Variants in NTNG1 observed in about 807,000 individuals in gnomAD.
NTNG1 encodes netrin-G1.
NTNG1 carries 16 observed loss-of-function variants against 54.0 expected under a neutral mutation model. The observed-to-expected ratio is 0.30, with a 90% CI of 0.20 to 0.45. The LOEUF (loss-of-function observed/expected upper bound fraction) is 0.45. NTNG1 is among the 20% of genes least tolerant of loss of function. NTNG1 has a pLI of 1.00. For synonymous variants in NTNG1, 255 were observed against 263.1 expected (o/e 0.97, Z 0.30); for missense variants, 530 against 678.7 (o/e 0.78, Z 2.43).
chr1:107,214,838 GGTGGTATCACATT>G (rs1195549637), intron 2 of NTNG1, among the ~76,000 whole-genome samples: 1 of 151,008 alleles, frequency 6.6e-6, no homozygotes, highest in East Asian at 1.9e-4. Flanking sequence ...GCAGGAGTGA[GGTGGTATCACATT>G]GTGGTTTGAT....
Position 107,441,968 on chromosome 1 carries a change from A to G in NTNG1, c.1390+5169A>G, listed in dbSNP as rs551912726. On this transcript the variant is annotated intron_variant, in intron 7 of 7. Coordinates refer to ENST00000370068, the MANE Select transcript of NTNG1 (RefSeq NM_001113226.3). Reference sequence around the variant, plus strand: ...AAATATGTTTCAATCAAGACCACAGACTGTATAAGAAAGGTATTGTGAGAG... The same window carrying G: ...AAATATGTTTCAATCAAGACCACAGGCTGTATAAGAAAGGTATTGTGAGAG... Among the ~76,000 whole-genome samples, 12 of 152,236 alleles carry G rather than the reference A, an allele frequency of 7.9e-5. No homozygotes were observed. In the South Asian group the frequency reaches 2.5e-3, roughly 32 times the overall value.
At chr1:107,403,616 A>T in intron 4 of NTNG1, 1 of 155,214 alleles carries the variant, frequency 6.4e-6, no homozygotes. Flanking sequence ...AGGCTGAGGC[A>T]GGAGAATCGC....
intron 5 of NTNG1, among the ~76,000 whole-genome samples, chr1:107,413,055 A>C (rs954549855): frequency 6.6e-6 from 1 of 152,092 alleles, no homozygotes; most frequent in Admixed American, 6.6e-5. Context: ...AGATGGTAAG[A>C]TTACCTCCAA....
chr1:107,299,845 T>C (rs2101799153), intron 2 of NTNG1, among the ~76,000 whole-genome samples: 1 of 151,744 alleles, frequency 6.6e-6, no homozygotes, highest in East Asian at 2.0e-4. Context: ...TCTTGTTCTA[T>C]GTATACACAC....
chr1:107,409,887 G>T (rs1007552784), intron 5 of NTNG1: 1 of 152,108 alleles, frequency 6.6e-6, no homozygotes, highest in East Asian at 1.9e-4. Context: ...GCATTCGAAA[G>T]TTCCTTCTTT....
chr1:107,309,992 G>T (rs78470383), intron 2 of NTNG1, among the ~76,000 whole-genome samples: 1,817 of 152,100 alleles, frequency 0.012, 32 homozygotes, highest in African/African-American at 0.042. Flanking sequence ...GGTAAACCTA[G>T]GATAATACCC....
intron 7 of NTNG1, among the ~76,000 whole-genome samples, chr1:107,444,429 A>G (rs916482610): frequency 2.0e-5 from 3 of 152,114 alleles, no homozygotes; most frequent in African/African-American, 7.2e-5. Flanking sequence ...GTAGCATCAT[A>G]TCCTAAATAC....
intron 2 of NTNG1, among the ~76,000 whole-genome samples, chr1:107,219,258 GA>G (rs1212957343): frequency 2.6e-5 from 4 of 151,898 alleles, no homozygotes; most frequent in African/African-American, 9.7e-5. Flanking sequence ...TTTATTTCCA[GA>G]AGTTGTGATT....
intron 2 of NTNG1, among the ~76,000 whole-genome samples, chr1:107,289,259 C>A (rs560452678): frequency 6.6e-6 from 1 of 152,136 alleles, no homozygotes; most frequent in African/African-American, 2.4e-5. Flanking sequence ...TCATCGGGAA[C>A]CTTGTGCTAT....
chr1:107,252,982 T>C (rs1468861970), intron 2 of NTNG1, among the ~76,000 whole-genome samples: 1 of 152,214 alleles, frequency 6.6e-6, no homozygotes, highest in East Asian at 1.9e-4. Context: ...AGATATATCT[T>C]AGTGTATTCT....
chr1:107,263,292 C>G (rs1663483354), intron 2 of NTNG1, among the ~76,000 whole-genome samples: 1 of 127,580 alleles, frequency 7.8e-6, no homozygotes, highest in Non-Finnish European at 1.9e-5. Context: ...TTCCTTCCTT[C>G]CTTCCTTCCT....
At chr1:107,301,567 G>T (rs61799220) in intron 2 of NTNG1, among the ~76,000 whole-genome samples, 10 of 151,874 alleles carry the variant, frequency 6.6e-5, no homozygotes, top group African/African-American at 2.2e-4. Context: ...CTGCAGTAAT[G>T]TATGTCATAC....
chr1:107,313,808 T>G (rs560271720), intron 2 of NTNG1, among the ~76,000 whole-genome samples: 14 of 152,332 alleles, frequency 9.2e-5, no homozygotes, highest in African/African-American at 3.4e-4. Context: ...TTACTGCAAC[T>G]GGACTTTCAC....
At chr1:107,212,114 A>G (rs1252203510) in intron 2 of NTNG1, among the ~76,000 whole-genome samples, 1 of 152,152 alleles carries the variant, frequency 6.6e-6, no homozygotes, top group Admixed American at 6.6e-5. Flanking sequence ...AAAGCATTAT[A>G]TGAGAACTAG....
chr1:107,295,455 T>A (rs1303078727), intron 2 of NTNG1, among the ~76,000 whole-genome samples: 1 of 152,160 alleles, frequency 6.6e-6, no homozygotes, highest in African/African-American at 2.4e-5. Flanking sequence ...AAGCTGCATT[T>A]CATGGCTTAT....
chr1:107,401,220 C>T (rs556629830), intron 4 of NTNG1, among the ~76,000 whole-genome samples: 2 of 152,184 alleles, frequency 1.3e-5, no homozygotes, highest in East Asian at 1.9e-4. Flanking sequence ...CACAGGCCTC[C>T]CCGAGGGTTA....
chr1:107,386,820 G>A (rs1304786559), intron 3 of NTNG1, among the ~76,000 whole-genome samples: 8 of 152,142 alleles, frequency 5.3e-5, no homozygotes, highest in African/African-American at 1.9e-4. Flanking sequence ...TTTGCAAAAT[G>A]GCTGTACCAC....
chr1:107,357,856 T>C (rs1035749938), intron 3 of NTNG1, among the ~76,000 whole-genome samples: 3 of 152,154 alleles, frequency 2.0e-5, no homozygotes, highest in Non-Finnish European at 4.4e-5. Flanking sequence ...TAGAAACATT[T>C]GAAATATAGA....
chr1:107,348,777 C>T (rs1219680614), intron 3 of NTNG1, among the ~76,000 whole-genome samples: 2 of 152,160 alleles, frequency 1.3e-5, no homozygotes, highest in Non-Finnish European at 2.9e-5. Flanking sequence ...GTGCCTTGCA[C>T]CTAGTAAGTG....
Sources: gnomAD v4.1 joint callset for allele counts (sites outside exome capture counted in the v4.1 genomes callset) on GRCh38, gnomAD v4.1.1 for gene constraint, MANE v1.5 for transcripts, NCBI Gene and HGNC (gene_info 2026-07-23, HGNC 2026-07-21) for gene names.